The following SESTD1 variants were observed in gnomAD, a reference collection of about 807,000 sequenced individuals.
SESTD1 encodes SEC14 and spectrin domain containing 1.
Under a neutral mutation model 101.7 loss-of-function variants are expected in SESTD1, and 43 were observed. The observed-to-expected ratio is 0.42, with a 90% confidence interval of 0.33 to 0.55. SESTD1 has a LOEUF of 0.55. Ranked by LOEUF, SESTD1 falls within the 20% of genes least tolerant of loss-of-function variation. The pLI, the probability that SESTD1 is intolerant of heterozygous loss-of-function variation, is 0.07. For missense variants in SESTD1, 647 were observed against 815.1 expected (o/e 0.79, Z 2.51); for synonymous variants, 283 against 286.8 (o/e 0.99, Z 0.13).
chr2:179,109,836 T>C lies in SESTD1; in HGVS notation c.*63A>G. On this transcript the variant is annotated 3_prime_UTR_variant, in exon 18 of 18. Transcript: ENST00000428443. ...ATGCATCTTAAGGTGTGGTGGCTAATGCTGTAGTATGTTGACAACATGCGG... is the reference window on the plus strand; with the variant it reads ...ATGCATCTTAAGGTGTGGTGGCTAACGCTGTAGTATGTTGACAACATGCGG... The C allele has an allele frequency of 1.3e-6, 2 of 1,581,584 alleles. No homozygotes were observed. Among genetic ancestry groups the C allele is most frequent in the Non-Finnish European group, 1.7e-6 (2 of 1,162,646 alleles).
At chr2:179,157,207 G>C (rs776742790) in intron 5 of SESTD1, among the ~76,000 whole-genome samples, 1 of 152,086 alleles carries the variant, frequency 6.6e-6, no homozygotes, top group South Asian at 2.1e-4. Context: ...AAACACTGCT[G>C]AAAGAAATCA....
chr2:179,223,962 G>A (rs2046848348), intron 1 of SESTD1, among the ~76,000 whole-genome samples: 1 of 152,100 alleles, frequency 6.6e-6, no homozygotes, highest in South Asian at 2.1e-4. Flanking sequence ...TTGAGTAAAG[G>A]TTAAATTTAT....
At chr2:179,125,216 T>C (rs2044844127) in intron 10 of SESTD1, among the ~76,000 whole-genome samples, 1 of 152,132 alleles carries the variant, frequency 6.6e-6, no homozygotes, top group African/African-American at 2.4e-5. Context: ...TGAAACCCAT[T>C]TTCTGACCAC....
At chr2:179,256,519 T>C (rs911600995) in intron 1 of SESTD1, among the ~76,000 whole-genome samples, 1 of 152,046 alleles carries the variant, frequency 6.6e-6, no homozygotes, top group Non-Finnish European at 1.5e-5. Context: ...AAGATAAAAC[T>C]TTAACAGATG....
Position 179,183,102 on chromosome 2 carries a change from C to T in SESTD1, c.142G>A (p.Asp48Asn), listed in dbSNP as rs1316298461. ...CACCTTGGAATGCTGAGTAGGTAGT[C>T]TAAGGTGACACTCAGCTCATCCATA... is the stretch of plus-strand genomic sequence containing the variant. ...TNMDELSVTL[D>N]YLLSIPSEKC... Residue 48 changes from aspartate (D) to asparagine (N), a missense_variant, in exon 3 of 18, where the codon GAC becomes AAC. By Grantham distance (23) the Asp-to-Asn change is conservative. Around this residue, in one of 3 missense-constraint regions of SESTD1, gnomAD observed 168 missense variants for 235.1 expected, o/e 0.71. Transcript: ENST00000428443. 1.2e-6 allele frequency: 2 copies of T among 1,610,280 alleles called. No individual in the cohort carries two copies. Among genetic ancestry groups the T allele is most frequent in the Non-Finnish European group, 8.5e-7 (1 of 1,178,170 alleles).
chr2:179,158,079 C>G (rs943247959), intron 5 of SESTD1, among the ~76,000 whole-genome samples: 3 of 152,160 alleles, frequency 2.0e-5, no homozygotes, highest in African/African-American at 7.2e-5. Flanking sequence ...ACAAAACTAG[C>G]AGCCATTCAT....
chr2:179,188,652 G>A (rs1056108811), intron 2 of SESTD1, among the ~76,000 whole-genome samples: 1 of 152,032 alleles, frequency 6.6e-6, no homozygotes, highest in South Asian at 2.1e-4. Flanking sequence ...TCAAAAAAAG[G>A]GGTGGGGGGC....
chr2:179,142,708 G>A (rs2045306350), intron 9 of SESTD1, among the ~76,000 whole-genome samples: 1 of 152,140 alleles, frequency 6.6e-6, no homozygotes, highest in Admixed American at 6.5e-5. Flanking sequence ...CATTCTGGGA[G>A]GACAATCTCA....
rs546215339 is a variant in SESTD1, at chr2:179,103,796, C to T, written c.*6103G>A. The T allele has an allele frequency of 6.6e-6, 1 of 152,152 alleles. No homozygotes were observed. Among genetic ancestry groups the T allele is most frequent in the African/African-American group, 2.4e-5 (1 of 41,536 alleles). The allele number at this position is 152,152 out of a possible 1,614,324, so 9.4% of individuals were successfully genotyped here. On this transcript the variant is annotated 3_prime_UTR_variant, in exon 18 of 18. Transcript: ENST00000428443. ...TGGAAACTTTCTAGGGTGGTGATAA[C>T]GTTTCCTATTTCCATAGCACTATAT...
At chr2:179,165,495 TTTAC>T (rs1277343587) in intron 5 of SESTD1, among the ~76,000 whole-genome samples, 1 of 152,158 alleles carries the variant, frequency 6.6e-6, no homozygotes, top group Non-Finnish European at 1.5e-5. Context: ...GTTTCGGCTA[TTTAC>T]CCCTGGTTCA....
At chr2:179,211,859 A>T (rs1433674884) in intron 1 of SESTD1, among the ~76,000 whole-genome samples, 1 of 131,378 alleles carries the variant, frequency 7.6e-6, no homozygotes, top group East Asian at 2.0e-4. Context: ...ACTCAGGGGG[A>T]AGGGTGGGAG....
chr2:179,236,245 T>G (rs1306030415), intron 1 of SESTD1, among the ~76,000 whole-genome samples: 1 of 150,114 alleles, frequency 6.7e-6, no homozygotes, highest in Non-Finnish European at 1.5e-5. Flanking sequence ...CCCAGCACTT[T>G]GGGAAGCTAA....
chr2:179,226,335 T>A (rs539055683), intron 1 of SESTD1, among the ~76,000 whole-genome samples: 1 of 152,250 alleles, frequency 6.6e-6, no homozygotes, highest in South Asian at 2.1e-4. Context: ...AGCCGTAAGA[T>A]AAAAAGAGGC....
At position 179,233,313 on chromosome 2, in the gene SESTD1, T is replaced by C. The variant is rs2047012202; in HGVS notation, c.-26+31186A>G. Among the ~76,000 whole-genome samples the C allele has an allele frequency of 2.0e-5, 3 of 152,170 alleles. No individual in the cohort carries two copies. The South Asian group carries it at 6.2e-4, about 31-fold the overall frequency. ...TTTGTATATTCTAAGATTGAGCAAA[T>C]AAGTAAATATACTGTGAACAACAGA... On this transcript the variant is annotated intron_variant, in intron 1 of 17. Coordinates refer to ENST00000428443, the MANE Select transcript of SESTD1 (RefSeq NM_178123.5).
chr2:179,196,210 A>T (rs968460220), intron 1 of SESTD1, among the ~76,000 whole-genome samples: 1 of 152,190 alleles, frequency 6.6e-6, no homozygotes, highest in Non-Finnish European at 1.5e-5. Flanking sequence ...GCACCTGGAA[A>T]ATTGGGTCAC....
In SESTD1 at chr2:179,143,760, G is replaced by A. The variant is rs1194349430; in HGVS notation, c.681C>T (p.Gly227=). The A allele has an allele frequency of 6.2e-7, 1 of 1,613,764 alleles. No homozygotes were observed. Among genetic ancestry groups the A allele is most frequent in the African/African-American group, 1.3e-5 (1 of 74,894 alleles). ...LSELQQRRFN[G]SDGGVSWSPM... ...GAGACCATGAAACCCCTCCGTCTGA[G>A]CCATTAAATCGACGCTGCTGTAATT... The change falls in exon 9 of 18, where the codon GGC becomes GGT. Residue 227 remains glycine, a synonymous_variant. Coordinates refer to ENST00000428443, the MANE Select transcript of SESTD1 (RefSeq NM_178123.5).
At chr2:179,240,170 G>C (rs965614572) in intron 1 of SESTD1, among the ~76,000 whole-genome samples, 2 of 152,160 alleles carry the variant, frequency 1.3e-5, no homozygotes, top group African/African-American at 2.4e-5. Context: ...TGGTGTAACA[G>C]AGACACACAG....
rs1559134144 is a variant in SESTD1, at chr2:179,185,655, G to GTATATA, written c.56-2468_56-2467insTATATA. ...AATATAGCATATTATATACAATATA[G>GTATATA]CATATACAATATATAATATAGCATA... On this transcript the variant is annotated intron_variant, in intron 2 of 17. Transcript: ENST00000428443. Among the ~76,000 whole-genome samples the GTATATA allele has an allele frequency of 1.8e-3, 139 of 75,482 alleles. 6 individuals are homozygous for GTATATA. The highest frequency in any genetic ancestry group is 4.4e-3 in the African/African-American group (108 of 24,524). The allele number at this position is 75,482 out of a possible 152,430, so 49.5% of individuals were successfully genotyped here.
chr2:179,197,207 C>T (rs1030084490), intron 1 of SESTD1, among the ~76,000 whole-genome samples: 1 of 151,574 alleles, frequency 6.6e-6, no homozygotes, highest in African/African-American at 2.4e-5. Flanking sequence ...GAAAGGGTAT[C>T]AGCTATGGAA....
Sources: allele counts gnomAD v4.1 joint callset (sites outside exome capture counted in the v4.1 genomes callset), GRCh38; gene constraint gnomAD v4.1.1; regional missense constraint gnomAD v4.1.1; transcripts MANE v1.5; gene names NCBI Gene and HGNC (gene_info 2026-07-23, HGNC 2026-07-21).